Variants in STMN2 observed in about 807,000 individuals in gnomAD.
STMN2 encodes stathmin 2, also known as stathmin-2.
In STMN2, 2 loss-of-function variants were observed where a neutral mutation model predicts 24.1. That is an observed-to-expected ratio of 0.08 (90% CI 0.03 to 0.26). The LOEUF (loss-of-function observed/expected upper bound fraction) is 0.26, where lower values mean the gene tolerates loss of function less well. Among genes scored for constraint, STMN2 ranks in the 10% least tolerant of loss-of-function variants. The pLI is 1.00. For missense variants in STMN2, 114 were observed against 213.6 expected, an observed-to-expected ratio of 0.53 and a Z score of 2.91; for synonymous variants, 83 against 77.5, an observed-to-expected ratio of 1.07 and a Z score of -0.37.
At chr8:79,653,991 G>A (rs1810393027) in intron 3 of STMN2, among the ~76,000 whole-genome samples, 1 of 152,196 alleles carries the variant, frequency 6.6e-6, no homozygotes, top group Non-Finnish European at 1.5e-5. Context: ...GCCCATGCCA[G>A]TATGACTTAC....
intron 4 of STMN2, among the ~76,000 whole-genome samples, chr8:79,662,342 T>C (rs1048813703): frequency 2.6e-5 from 4 of 152,058 alleles, no homozygotes; most frequent in Non-Finnish European, 5.9e-5. Context: ...ATGAAATAAA[T>C]ATTATCAAAG....
intron 3 of STMN2, among the ~76,000 whole-genome samples, chr8:79,652,217 A>T (rs1325905163): frequency 6.6e-6 from 1 of 152,334 alleles, no homozygotes; most frequent in East Asian, 1.9e-4. Context: ...ATTTCTGTTC[A>T]TTACAAGAGA....
chr8:79,657,500 T>C (rs1292685315), intron 4 of STMN2, among the ~76,000 whole-genome samples: 2 of 152,308 alleles, frequency 1.3e-5, no homozygotes, highest in African/African-American at 2.4e-5. Context: ...TTAAAAACTC[T>C]CCATATAGTT....
chr8:79,638,212 G>A (rs1460962720), intron 2 of STMN2, among the ~76,000 whole-genome samples: 1 of 152,182 alleles, frequency 6.6e-6, no homozygotes, highest in East Asian at 1.9e-4. Context: ...AAAGAATTCA[G>A]GGCTTAGTAG....
intron 1 of STMN2, among the ~76,000 whole-genome samples, chr8:79,630,528 C>G (rs1420545197): frequency 1.3e-5 from 2 of 152,102 alleles, no homozygotes; most frequent in Non-Finnish European, 2.9e-5. Context: ...GGACATTGGC[C>G]CCACAAATGC....
intron 4 of STMN2, among the ~76,000 whole-genome samples, chr8:79,656,583 G>A (rs969978535): frequency 6.6e-6 from 1 of 152,100 alleles, no homozygotes; most frequent in Non-Finnish European, 1.5e-5. Flanking sequence ...TCCTCCATCT[G>A]CCACCACTTT....
chr8:79,664,650 A>T (rs1250884971), intron 4 of STMN2, among the ~76,000 whole-genome samples, 165 bp from the exon 5 acceptor site: 1 of 151,856 alleles, frequency 6.6e-6, no homozygotes, highest in East Asian at 1.9e-4. Flanking sequence ...GTCTTGTAAG[A>T]TCTTTTCTAA....
In STMN2 at chr8:79,654,984, G is replaced by A. The variant is rs1385026542; in HGVS notation, c.402G>A (p.Lys134=). 2.5e-6 allele frequency: 4 copies of A among 1,614,030 alleles called. No homozygotes were observed. The highest frequency in any genetic ancestry group is 2.5e-6 in the Non-Finnish European group (3 of 1,179,960). ...NNNFSKMAEE[K]LILKMEQIKE... ...ACTTCAGCAAGATGGCGGAGGAAAA[G>A]CTGATCCTGAAAATGGAACAAATTA... The change falls in exon 4 of 5, where the codon AAG becomes AAA. Residue 134 remains lysine, a synonymous_variant. Coordinates refer to ENST00000220876, the MANE Select transcript of STMN2 (RefSeq NM_007029.4).
intron 2 of STMN2, among the ~76,000 whole-genome samples, chr8:79,640,509 T>C (rs937932230): frequency 6.6e-6 from 1 of 152,176 alleles, no homozygotes; most frequent in African/African-American, 2.4e-5. Context: ...TAGTAGATGT[T>C]GCCACTCCCT....
chr8:79,649,554 A>C (rs193128048), intron 3 of STMN2, among the ~76,000 whole-genome samples: 1 of 152,320 alleles, frequency 6.6e-6, no homozygotes, highest in East Asian at 1.9e-4. Context: ...CATTGTCAGC[A>C]GTAAAGTCAA....
chr8:79,662,387 C>T (rs1355805198), intron 4 of STMN2, among the ~76,000 whole-genome samples: 1 of 151,984 alleles, frequency 6.6e-6, no homozygotes, highest in South Asian at 2.1e-4. Flanking sequence ...CTGAGTATCA[C>T]AACTGCTTTA....
At chr8:79,626,270 A>C (rs1284439783) in intron 1 of STMN2, among the ~76,000 whole-genome samples, 5 of 152,220 alleles carry the variant, frequency 3.3e-5, no homozygotes, top group Admixed American at 3.3e-4. Flanking sequence ...AGAACATATA[A>C]ATGAATACAA....
intron 1 of STMN2, among the ~76,000 whole-genome samples, chr8:79,636,592 T>C (rs1452619295): frequency 6.6e-6 from 1 of 152,224 alleles, no homozygotes. Context: ...CCTGCTATAC[T>C]ATGCAATTGA....
intron 3 of STMN2, among the ~76,000 whole-genome samples, chr8:79,642,668 T>C (rs1430464603): frequency 1.3e-5 from 2 of 152,156 alleles, no homozygotes; most frequent in East Asian, 3.8e-4. Flanking sequence ...GTGTATAGTA[T>C]ATGTGCATAT....
chr8:79,622,950 A>C (rs761972223), intron 1 of STMN2, among the ~76,000 whole-genome samples: 33 of 152,124 alleles, frequency 2.2e-4, no homozygotes, highest in Non-Finnish European at 4.4e-4. Flanking sequence ...CTGACTGTGC[A>C]CAATATCTCA....
At chr8:79,662,267 A>C (rs1054906736) in intron 4 of STMN2, among the ~76,000 whole-genome samples, 1 of 152,104 alleles carries the variant, frequency 6.6e-6, no homozygotes, top group Admixed American at 6.5e-5. Flanking sequence ...AAATTGCAGA[A>C]AACATTGTAA....
chr8:79,616,723 C>T lies in STMN2; in HGVS notation c.19+5509C>T, dbSNP rs141988622. On this transcript the variant is annotated intron_variant, in intron 1 of 4. Coordinates refer to ENST00000220876, the MANE Select transcript of STMN2 (RefSeq NM_007029.4). ...TAATCTTTACAAAATATTTTACTTCCGAACTCATATACCTGGGGATTTTAT... is the reference window on the plus strand; with the variant it reads ...TAATCTTTACAAAATATTTTACTTCTGAACTCATATACCTGGGGATTTTAT... Among the ~76,000 whole-genome samples, 168 of 152,212 alleles carry T rather than the reference C, an allele frequency of 1.1e-3. 3 individuals are homozygous for T. In the East Asian group the frequency reaches 0.02, roughly 19 times the overall value.
Position 79,640,037 on chromosome 8 carries a change from T to C in STMN2, c.116-1341T>C, listed in dbSNP as rs192682527. ...CAACATGCTGAAACCTTGCCTCTAC[T>C]AAAAATAGAAAAATTAGCTGAGTGT... is the stretch of plus-strand genomic sequence containing the variant. On this transcript the variant is annotated intron_variant, in intron 2 of 4. Coordinates refer to ENST00000220876, the MANE Select transcript of STMN2 (RefSeq NM_007029.4). Among the ~76,000 whole-genome samples the C allele has an allele frequency of 2.5e-3, 375 of 152,274 alleles. 3 individuals are homozygous for C. The highest frequency in any genetic ancestry group is 8.4e-3 in the African/African-American group (351 of 41,560).
rs773554537 is a variant in STMN2, at chr8:79,629,846, C to T, written c.20-6956C>T. On this transcript the variant is annotated intron_variant, in intron 1 of 4. Transcript: ENST00000220876. ...GTTAAAATATTTGTTTCACAGTCGACGTTAATAACTATTATAGATAAAGTG... is the reference window on the plus strand; with the variant it reads ...GTTAAAATATTTGTTTCACAGTCGATGTTAATAACTATTATAGATAAAGTG... 7.9e-5 allele frequency among the ~76,000 whole-genome samples: 12 copies of T among 152,126 alleles called. No individual in the cohort carries two copies. In the South Asian group the frequency reaches 1.0e-3, roughly 13 times the overall value.
Sources: gnomAD v4.1 joint callset for allele counts (sites outside exome capture counted in the v4.1 genomes callset) on GRCh38, gnomAD v4.1.1 for gene constraint, MANE v1.5 for transcripts, NCBI Gene and HGNC (gene_info 2026-07-23, HGNC 2026-07-21) for gene names.